Variants in DLGAP1 observed in about 807,000 individuals in gnomAD.
DLGAP1 encodes DLG associated protein 1.
Under a neutral mutation model 90.8 loss-of-function variants are expected in DLGAP1, and 11 were observed. The observed-to-expected ratio is 0.12, with a 90% CI of 0.08 to 0.20. The LOEUF is 0.20. Among genes scored for constraint, DLGAP1 ranks in the 10% least tolerant of loss-of-function variants. The pLI, the probability that DLGAP1 is intolerant of heterozygous loss-of-function variation, is 1.00. For missense variants in DLGAP1, 1,050 were observed against 1,333.8 expected, an observed-to-expected ratio of 0.79 and a Z score of 3.31; for synonymous variants, 558 against 540.7, an observed-to-expected ratio of 1.03 and a Z score of -0.44.
intron 2 of DLGAP1, among the ~76,000 whole-genome samples, chr18:4,127,908 T>C (rs2076254395): frequency 6.6e-6 from 1 of 152,210 alleles, no homozygotes; most frequent in Admixed American, 6.5e-5. Flanking sequence ...TTCAACACTA[T>C]GCAACAGGTT....
intron 7 of DLGAP1, chr18:3,603,972 G>T (rs1393041147): frequency 6.5e-6 from 1 of 154,426 alleles, no homozygotes; most frequent in Non-Finnish European, 1.5e-5. Context: ...AAGTTCCTTT[G>T]ACCCGATGCT....
intron 2 of DLGAP1, among the ~76,000 whole-genome samples, chr18:4,150,302 C>T (rs55951857): frequency 0.055 from 8,407 of 152,172 alleles, 609 homozygotes; most frequent in East Asian, 0.26. Flanking sequence ...GTGGTAAGAC[C>T]CTTCTTTTTT....
chr18:4,063,147 G>C (rs971320140), intron 2 of DLGAP1, among the ~76,000 whole-genome samples: 1 of 151,992 alleles, frequency 6.6e-6, no homozygotes, highest in African/African-American at 2.4e-5. Context: ...GTTTTTCTTG[G>C]TAACAGATAC....
rs953450238 is a variant in DLGAP1 at position 4,454,178 on chromosome 18, C to G, written c.-267+828G>C. Among the ~76,000 whole-genome samples the G allele has an allele frequency of 4.6e-5, 7 of 152,216 alleles. No homozygotes were observed. Among genetic ancestry groups the G allele is most frequent in the Non-Finnish European group, 1.0e-4 (7 of 68,046 alleles). On this transcript the variant is annotated intron_variant, in intron 1 of 12. Coordinates refer to ENST00000315677, the MANE Select transcript of DLGAP1 (RefSeq NM_004746.4). This position sits in a 1 kb window ranked among gnomAD's most constrained non-coding sequence, Gnocchi z 4.7. ...GTCCTGAAAGCAGGGTCTTCATCGC[C>G]GCGGGCCCTCCGAAGGTGCCTCTCC...
At chr18:3,505,161 G>A (rs1489209379) in intron 11 of DLGAP1, among the ~76,000 whole-genome samples, 2 of 152,234 alleles carry the variant, frequency 1.3e-5, no homozygotes, top group Admixed American at 1.3e-4. Context: ...CTGGGGCAAA[G>A]GAGCATGGAG....
chr18:3,960,178 T>A (rs753908855), intron 3 of DLGAP1, among the ~76,000 whole-genome samples: 16 of 152,246 alleles, frequency 1.1e-4, no homozygotes, highest in Admixed American at 2.0e-4. Flanking sequence ...CAATTTCCTA[T>A]CCCTGATCAG....
intron 1 of DLGAP1, among the ~76,000 whole-genome samples, chr18:4,433,444 C>A (rs779115773): frequency 1.8e-4 from 27 of 152,286 alleles, no homozygotes; most frequent in Admixed American, 3.3e-4. Flanking sequence ...AACCACTTAG[C>A]TCTACCAGGA....
At chr18:4,235,941 G>T (rs1323776882) in intron 1 of DLGAP1, among the ~76,000 whole-genome samples, 1 of 151,822 alleles carries the variant, frequency 6.6e-6, no homozygotes, top group Admixed American at 6.6e-5. Flanking sequence ...GGCCAGGCTG[G>T]TCTCTAATGC....
At chr18:4,232,164 T>C (rs1468951979) in intron 1 of DLGAP1, among the ~76,000 whole-genome samples, 2 of 152,104 alleles carry the variant, frequency 1.3e-5, no homozygotes, top group Non-Finnish European at 2.9e-5. Flanking sequence ...CTACAAACTA[T>C]CCCAAGAATT....
intron 5 of DLGAP1, among the ~76,000 whole-genome samples, chr18:3,777,593 T>C (rs183974639): frequency 6.6e-6 from 1 of 152,078 alleles, no homozygotes; most frequent in Admixed American, 6.5e-5. Context: ...GCCTTTTTAT[T>C]TGGAATTTTT....
At chr18:4,302,396 A>T (rs1372769679) in intron 1 of DLGAP1, among the ~76,000 whole-genome samples, 1 of 152,210 alleles carries the variant, frequency 6.6e-6, no homozygotes, top group Non-Finnish European at 1.5e-5. Context: ...TTTATTGAAG[A>T]GACTATTCTT....
intron 3 of DLGAP1, among the ~76,000 whole-genome samples, chr18:3,931,940 C>CAGT (rs2072525369): frequency 6.6e-6 from 1 of 152,114 alleles, no homozygotes; most frequent in Admixed American, 6.5e-5. Context: ...GATGGATCTA[C>CAGT]AGTGCTCCAG....
chr18:3,950,514 A>G (rs2072964929), intron 3 of DLGAP1, among the ~76,000 whole-genome samples: 1 of 152,242 alleles, frequency 6.6e-6, no homozygotes, highest in Admixed American at 6.5e-5. Flanking sequence ...TCCTGAGGGC[A>G]AGGACTGTTT....
chr18:3,536,174 C>T (rs2052363565), intron 9 of DLGAP1, among the ~76,000 whole-genome samples: 1 of 149,834 alleles, frequency 6.7e-6, no homozygotes, highest in Admixed American at 6.6e-5. Flanking sequence ...TTCTTTCTTT[C>T]TTTCCTTCCT....
chr18:4,427,056 G>C (rs1277883888), intron 1 of DLGAP1, among the ~76,000 whole-genome samples: 1 of 152,166 alleles, frequency 6.6e-6, no homozygotes, highest in African/African-American at 2.4e-5. Flanking sequence ...TAGTTTGTTT[G>C]GTGTGATATA....
chr18:3,781,709 T>A (rs1373633908), intron 5 of DLGAP1, among the ~76,000 whole-genome samples: 1 of 152,226 alleles, frequency 6.6e-6, no homozygotes, highest in African/African-American at 2.4e-5. Context: ...ACAGCAGAGA[T>A]ACCCGTAAGG....
intron 1 of DLGAP1, among the ~76,000 whole-genome samples, chr18:4,159,307 T>C (rs1361318508): frequency 1.3e-5 from 2 of 152,174 alleles, no homozygotes; most frequent in Non-Finnish European, 2.9e-5. Context: ...AGGAAGTCAG[T>C]GCCCTTCATG....
chr18:3,972,234 G>A (rs145273051), intron 3 of DLGAP1, among the ~76,000 whole-genome samples: 7 of 152,094 alleles, frequency 4.6e-5, no homozygotes, highest in East Asian at 1.9e-4. Context: ...TCACTAGGCC[G>A]GGCATGGTGG....
At chr18:4,360,137 C>T (rs752233009) in intron 1 of DLGAP1, among the ~76,000 whole-genome samples, 3 of 151,958 alleles carry the variant, frequency 2.0e-5, no homozygotes, top group Non-Finnish European at 2.9e-5. Flanking sequence ...CCACTGGGCA[C>T]CATGGAATTA....
Sources: allele counts gnomAD v4.1 joint callset (sites outside exome capture counted in the v4.1 genomes callset), GRCh38; gene constraint gnomAD v4.1.1; non-coding constraint Gnocchi (gnomAD v3.1); transcripts MANE v1.5; gene names NCBI Gene and HGNC (gene_info 2026-07-23, HGNC 2026-07-21).